SIRT5: variants seen among roughly 807,000 people sequenced by gnomAD.
SIRT5 encodes sirtuin 5.
In SIRT5, 26 loss-of-function variants were observed where a neutral mutation model predicts 40.0. That is an observed-to-expected ratio of 0.65 (90% CI 0.48 to 0.90). The LOEUF is 0.90. SIRT5 is among the 40% of genes least tolerant of loss of function. The pLI is 0.00. For missense variants in SIRT5, 401 were observed against 402.4 expected (o/e 1.00, Z 0.03); for synonymous variants, 146 against 149.1 (o/e 0.98, Z 0.15).
chr6:13,585,139 G>C (rs1759892635), intron 3 of SIRT5: 1 of 152,230 alleles, frequency 6.6e-6, no homozygotes. Context: ...TAGAGCTTTA[G>C]TGTGATTGGT....
intron 2 of SIRT5, among the ~76,000 whole-genome samples, chr6:13,581,966 AG>A (rs1345036142): frequency 6.6e-6 from 1 of 152,190 alleles, no homozygotes; most frequent in African/African-American, 2.4e-5. Context: ...CTTTTAGATA[AG>A]ATCCATTAAC....
At chr6:13,581,221 G>C (rs552145243) in intron 2 of SIRT5, among the ~76,000 whole-genome samples, 3 of 152,246 alleles carry the variant, frequency 2.0e-5, no homozygotes, top group African/African-American at 7.2e-5. Context: ...TTCAGGTCTT[G>C]AATCCAGCCC....
Position 13,614,353 on chromosome 6 carries a change from T to TTGA in SIRT5, c.*2489_*2491dup, listed in dbSNP as rs1006180395. On this transcript the variant is annotated 3_prime_UTR_variant, in exon 10 of 10. Coordinates refer to ENST00000606117, the MANE Select transcript of SIRT5 (RefSeq NM_012241.5). ...TTGAAATTTGCCTGGGTGGGAATTT[T>TTGA]TGAAGTATAAAAAGGACTTCTACCT... The TTGA allele has an allele frequency of 2.0e-5, 3 of 152,234 alleles. No individual in the cohort carries two copies. Among genetic ancestry groups the TTGA allele is most frequent in the African/African-American group, 7.2e-5 (3 of 41,450 alleles). The allele number at this position is 152,234 out of a possible 1,614,324, so 9.4% of individuals were successfully genotyped here. A position where few individuals can be genotyped will look rare whatever the true frequency, so the allele number is the denominator to read the frequency against.
chr6:13,579,001 G>A (rs1399686519), intron 1 of SIRT5, among the ~76,000 whole-genome samples: 1 of 152,166 alleles, frequency 6.6e-6, no homozygotes, highest in African/African-American at 2.4e-5. Context: ...CAAGGCAGGA[G>A]TCTTCACCCA....
rs779618316 is a variant in SIRT5, at chr6:13,599,043, C to T, written c.629C>T (p.Ala210Val). 1.2e-6 allele frequency: 2 copies of T among 1,613,912 alleles called. No homozygotes were observed. The highest frequency in any genetic ancestry group is 1.7e-6 in the Non-Finnish European group (2 of 1,179,932). The change falls in exon 8 of 10, where the codon GCA (alanine) becomes GTA (valine). Residue 210 changes from alanine to valine, a missense_variant. Physicochemically the swap from Ala to Val is moderately conservative, Grantham distance 64. Coordinates refer to ENST00000606117, the MANE Select transcript of SIRT5 (RefSeq NM_012241.5). ...TCCCATTCTTCCAGGTGTGAAGAGG[C>T]AGGCTGCGGGGGCTTGCTGCGACCT... is the stretch of plus-strand genomic sequence containing the variant. ...PVEKLPRCEE[A>V]GCGGLLRPHV...
intron 9 of SIRT5, among the ~76,000 whole-genome samples, chr6:13,602,040 A>G (rs76212930): frequency 0.038 from 5,782 of 152,228 alleles, 155 homozygotes; most frequent in South Asian, 0.12. Flanking sequence ...ATTGCCTCCT[A>G]TGCAAAACTT....
At chr6:13,586,547 T>G (rs1760105497) in intron 3 of SIRT5, among the ~76,000 whole-genome samples, 1 of 152,214 alleles carries the variant, frequency 6.6e-6, no homozygotes, top group Non-Finnish European at 1.5e-5. Flanking sequence ...ATCAGATGGT[T>G]GTAGATGTGT....
Position 13,587,230 on chromosome 6 carries a change from G to A in SIRT5, c.116-1101G>A, listed in dbSNP as rs527871753. 2.0e-5 allele frequency among the ~76,000 whole-genome samples: 3 copies of A among 152,330 alleles called. No homozygotes were observed. The South Asian group carries it at 6.2e-4, about 32-fold the overall frequency. On this transcript the variant is annotated intron_variant, in intron 3 of 9. Coordinates refer to ENST00000606117, the MANE Select transcript of SIRT5 (RefSeq NM_012241.5). Reference sequence around the variant, plus strand: ...AGGTACAGCACTCGCTTCTCCAGGGGGAGGGCAGAAAAGGGGCTCTCTGTT... The same window carrying A: ...AGGTACAGCACTCGCTTCTCCAGGGAGAGGGCAGAAAAGGGGCTCTCTGTT...
chr6:13,579,915 A>G (rs1170950946), intron 2 of SIRT5, among the ~76,000 whole-genome samples: 1 of 152,242 alleles, frequency 6.6e-6, no homozygotes, highest in Non-Finnish European at 1.5e-5. Flanking sequence ...TGAGTTTTCC[A>G]GGTAAATTGA....
intron 2 of SIRT5, 55 bp from the exon 3 acceptor site, chr6:13,584,021 A>G: frequency 2.7e-6 from 2 of 747,294 alleles, no homozygotes; most frequent in Non-Finnish European, 4.5e-6. Flanking sequence ...ATTTCCATAT[A>G]TAAAAATATT....
At chr6:13,597,134 G>A in intron 7 of SIRT5, 118 bp downstream of exon 7, 1 of 747,744 alleles carries the variant, frequency 1.3e-6, no homozygotes, top group Non-Finnish European at 2.2e-6. Context: ...ATGCACAAAT[G>A]TAAAAACCAG....
In SIRT5 at chr6:13,614,150, A is replaced by G. The variant is rs990491048; in HGVS notation, c.*2285A>G. On this transcript the variant is annotated 3_prime_UTR_variant, in exon 10 of 10. Coordinates refer to ENST00000606117, the MANE Select transcript of SIRT5 (RefSeq NM_012241.5). ...ATTTATTAAACATCTACCAGATGAT[A>G]GACATTAGAAATAAAATGACTAGCA... 9 of 152,376 alleles carry G rather than the reference A, an allele frequency of 5.9e-5. No individual in the cohort carries two copies. Among genetic ancestry groups the G allele is most frequent in the Non-Finnish European group, 1.3e-4 (9 of 68,032 alleles). 9.4% of individuals were successfully genotyped at this position (152,376 alleles called of 1,614,324 possible).
chr6:13,606,629 T>C (rs149515054), intron 9 of SIRT5, among the ~76,000 whole-genome samples: 245 of 152,320 alleles, frequency 1.6e-3, no homozygotes, highest in Non-Finnish European at 2.6e-3. Context: ...ATACATACTT[T>C]AAACATTTTG....
intron 5 of SIRT5, among the ~76,000 whole-genome samples, chr6:13,593,830 T>C (rs892582998): frequency 6.6e-6 from 1 of 152,240 alleles, no homozygotes; most frequent in African/African-American, 2.4e-5. Context: ...AGTATGAGTA[T>C]GATAAACTGG....
Position 13,597,013 on chromosome 6 carries a change from C to T in SIRT5, c.614C>T (p.Pro205Leu), listed in dbSNP as rs766750041. The T allele has an allele frequency of 3.1e-6, 5 of 1,611,070 alleles. No homozygotes were observed. Among genetic ancestry groups the T allele is most frequent in the South Asian group, 1.1e-5 (1 of 90,724 alleles). The change falls in exon 7 of 10, where the codon CCC becomes CTC. Residue 205 changes from proline to leucine, a missense_variant. Coordinates refer to ENST00000606117, the MANE Select transcript of SIRT5 (RefSeq NM_012241.5). ...QDASIPVEKL[P>L]RCEEAGCGGL... Reference sequence around the variant, plus strand: ...GCCAGCATCCCAGTTGAGAAACTTCCCCGGTAGGTAGAAAACTCTGATTTG... The same window carrying T: ...GCCAGCATCCCAGTTGAGAAACTTCTCCGGTAGGTAGAAAACTCTGATTTG...
At position 13,615,034 on chromosome 6, in the gene SIRT5, C is replaced by T; in HGVS notation, c.*3169C>T. The T allele has an allele frequency of 3.1e-6, 1 of 318,802 alleles. No individual in the cohort carries two copies. The highest frequency in any genetic ancestry group is 8.6e-5 in the South Asian group (1 of 11,676). The allele number at this position is 318,802 out of a possible 1,614,324, so 19.7% of individuals were successfully genotyped here. A position where few individuals can be genotyped will look rare whatever the true frequency, so the allele number is the denominator to read the frequency against. On this transcript the variant is annotated 3_prime_UTR_variant, in exon 10 of 10. Coordinates refer to ENST00000606117, the MANE Select transcript of SIRT5 (RefSeq NM_012241.5). ...TACCGGTTTTCTGAGCACCGGACAG[C>T]GTGAGCCGTGCCAGCCCTGTCTCGC...
In SIRT5 at chr6:13,612,260, T is replaced by C. The variant is rs146022830; in HGVS notation, c.*395T>C. 7.9e-3 allele frequency: 1,245 copies of C among 158,170 alleles called. 5 individuals carry two copies. The highest frequency in any genetic ancestry group is 0.012 in the Non-Finnish European group (877 of 71,726). The allele number at this position is 158,170 out of a possible 1,614,324, so 9.8% of individuals were successfully genotyped here. On this transcript the variant is annotated 3_prime_UTR_variant, in exon 10 of 10. Coordinates refer to ENST00000606117, the MANE Select transcript of SIRT5 (RefSeq NM_012241.5). ...ACTATTCTGATTTTTGCACAAGTTT[T>C]AGTGGAAAATAAAATCACACTCTAC...
chr6:13,578,337 T>A (rs1758883108), intron 1 of SIRT5, among the ~76,000 whole-genome samples: 1 of 152,188 alleles, frequency 6.6e-6, no homozygotes, highest in Non-Finnish European at 1.5e-5. Context: ...AAGTATTTCC[T>A]CCTCTTTAGT....
At position 13,599,116 on chromosome 6, in the gene SIRT5, G is replaced by A. The variant is rs139261592; in HGVS notation, c.702G>A (p.Glu234=). The stretch of plus-strand genomic sequence containing the variant: ...ACCTGGATCCTGCCATTCTGGAGGA[G>A]GTTGACAGAGAGCTCGCCCACTGTG... ...GENLDPAILE[E]VDRELAHCDL... Residue 234 remains glutamate (E), a synonymous_variant, in exon 8 of 10, where the codon GAG becomes GAA. Coordinates refer to ENST00000606117, the MANE Select transcript of SIRT5 (RefSeq NM_012241.5). 35 of 1,614,094 alleles carry A rather than the reference G, an allele frequency of 2.2e-5. No individual in the cohort carries two copies. In the African/African-American group the frequency reaches 4.1e-4, roughly 19 times the overall value.
Sources: allele counts gnomAD v4.1 joint callset (sites outside exome capture counted in the v4.1 genomes callset), GRCh38; gene constraint gnomAD v4.1.1; transcripts MANE v1.5; gene names NCBI Gene and HGNC (gene_info 2026-07-23, HGNC 2026-07-21).